The following PTBP3 variants were observed in gnomAD, a reference collection of about 807,000 sequenced individuals.
PTBP3 encodes polypyrimidine tract binding protein 3, also known as polypyrimidine tract-binding protein 3.
Under a neutral mutation model 58.7 loss-of-function variants are expected in PTBP3, and 20 were observed. The ratio of observed to expected loss-of-function variants is 0.34; its 90% confidence interval spans 0.24 to 0.50. PTBP3 has a LOEUF of 0.50. Among genes scored for constraint, PTBP3 ranks in the 20% least tolerant of loss-of-function variants. The pLI, the probability that PTBP3 is intolerant of heterozygous loss-of-function variation, is 0.98. For synonymous variants in PTBP3, 185 were observed against 219.8 expected (o/e 0.84, Z 1.40); for missense variants, 509 against 637.2 (o/e 0.80, Z 2.17).
chr9:112,366,430 C>T, the PTBP3 span, among the ~76,000 whole-genome samples: 1 of 152,134 alleles, frequency 6.6e-6, no homozygotes, highest in Admixed American at 6.6e-5. Flanking sequence ...GTCCAGTGTT[C>T]CCAAGCTGTG....
chr9:112,250,853 TAAAC>T, intron 7 of PTBP3, 72 bp downstream of exon 7: 1 of 1,331,062 alleles, frequency 7.5e-7, no homozygotes, highest in South Asian at 2.2e-5. Context: ...AAAAGGCTTA[TAAAC>T]ATACATGGCT....
the PTBP3 span, among the ~76,000 whole-genome samples, chr9:112,365,327 G>A: frequency 6.6e-6 from 1 of 152,104 alleles, no homozygotes; most frequent in Non-Finnish European, 1.5e-5. Context: ...GGACCCAGTG[G>A]GAGATAATTG....
At chr9:112,338,495 TAAAG>T (rs1337597851), upstream of PTBP3, among the ~76,000 whole-genome samples, 4 of 152,330 alleles carry the variant, frequency 2.6e-5, no homozygotes, top group Middle Eastern at 3.4e-3. Context: ...TATTTCAAAA[TAAAG>T]AAACCTTGGC....
At chr9:112,288,702 T>A (rs1316183963) in intron 2 of PTBP3, among the ~76,000 whole-genome samples, 1 of 152,202 alleles carries the variant, frequency 6.6e-6, no homozygotes, top group Non-Finnish European at 1.5e-5. Flanking sequence ...ATTAGAAAAA[T>A]TAAATCACAA....
chr9:112,352,808 T>G, the PTBP3 span, among the ~76,000 whole-genome samples: 6 of 152,220 alleles, frequency 3.9e-5, no homozygotes, highest in Non-Finnish European at 1.5e-5. Flanking sequence ...TGACTATAGT[T>G]GAAATTTCTT....
intron 5 of PTBP3, among the ~76,000 whole-genome samples, chr9:112,253,780 G>T (rs527437538): frequency 5.0e-4 from 76 of 152,240 alleles, no homozygotes; most frequent in African/African-American, 1.4e-3. Flanking sequence ...CTGCCACCAT[G>T]TGAAGAAGGT....
intron 1 of PTBP3, among the ~76,000 whole-genome samples, chr9:112,313,884 C>T (rs1225971905): frequency 6.6e-6 from 1 of 152,066 alleles, no homozygotes; most frequent in African/African-American, 2.4e-5. Flanking sequence ...CTCTCCATAC[C>T]GATGAATTCA....
At chr9:112,260,193 G>C (rs1361078933) in intron 5 of PTBP3, among the ~76,000 whole-genome samples, 1 of 152,204 alleles carries the variant, frequency 6.6e-6, no homozygotes, top group Non-Finnish European at 1.5e-5. Flanking sequence ...ACAGGCATGA[G>C]CCCCCACACC....
At chr9:112,330,339 A>C (rs1830317067) in intron 1 of PTBP3, 1 of 863,710 alleles carries the variant, frequency 1.2e-6, no homozygotes, top group Non-Finnish European at 1.8e-6. Flanking sequence ...TAAAAATTAA[A>C]GACTTTTACA....
At chr9:112,286,324 C>G (rs912493249) in intron 2 of PTBP3, among the ~76,000 whole-genome samples, 1 of 152,086 alleles carries the variant, frequency 6.6e-6, no homozygotes, top group Admixed American at 6.6e-5. Context: ...GGTTTAAAAG[C>G]CCACCATCTT....
chr9:112,335,268 GTTGT>G (rs1830550280), upstream of PTBP3, among the ~76,000 whole-genome samples: 1 of 142,258 alleles, frequency 7.0e-6, no homozygotes, highest in African/African-American at 2.4e-5. Context: ...ACTTTTTTTT[GTTGT>G]TTGTTTTTTT....
intron 1 of PTBP3, among the ~76,000 whole-genome samples, chr9:112,320,291 A>ATATATATATATATAT (rs1554805667): frequency 9.5e-5 from 7 of 73,512 alleles, no homozygotes; most frequent in African/African-American, 5.4e-4. Context: ...AAAAAAAAAA[A>ATATATATATATATAT]ATATATATAT....
chr9:112,268,036 C>G lies in PTBP3; in HGVS notation c.351+13G>C. ...TTCCCATACCTATTTTTAAAAACAT[C>G]TTTAATACTTACAGCTTGATTAGGT... On this transcript the variant is annotated intron_variant, in intron 4 of 13. Transcript: ENST00000374257. 6.3e-7 allele frequency: 1 copy of G among 1,599,144 alleles called. No individual in the cohort carries two copies. The highest frequency in any genetic ancestry group is 1.3e-5 in the African/African-American group (1 of 74,286).
intron 1 of PTBP3, among the ~76,000 whole-genome samples, chr9:112,324,085 A>T (rs1217345210): frequency 6.6e-6 from 1 of 151,990 alleles, no homozygotes; most frequent in Non-Finnish European, 1.5e-5. Context: ...ATCAGAAACC[A>T]TACAAGCAAA....
intron 4 of PTBP3, among the ~76,000 whole-genome samples, chr9:112,266,510 ATT>A (rs1836806459): frequency 6.6e-6 from 1 of 152,106 alleles, no homozygotes; most frequent in Admixed American, 6.5e-5. Flanking sequence ...TGGAATACAC[ATT>A]GTCTTCCACG....
At chr9:112,253,573 T>C (rs1354052942) in intron 5 of PTBP3, among the ~76,000 whole-genome samples, 1 of 152,188 alleles carries the variant, frequency 6.6e-6, no homozygotes, top group African/African-American at 2.4e-5. Context: ...TTAGTTTTAC[T>C]CTGTTGATAT....
chr9:112,377,675 C>A, the PTBP3 span, among the ~76,000 whole-genome samples: 1 of 152,160 alleles, frequency 6.6e-6, no homozygotes, highest in Non-Finnish European at 1.5e-5. Flanking sequence ...AGTAGTCTGT[C>A]AGGAAACTGT....
the PTBP3 span, among the ~76,000 whole-genome samples, chr9:112,354,742 T>TG: frequency 1.3e-5 from 2 of 152,208 alleles, no homozygotes; most frequent in African/African-American, 2.4e-5. Flanking sequence ...TAGCTCAATT[T>TG]GGGGGCCTGA....
intron 1 of PTBP3, among the ~76,000 whole-genome samples, chr9:112,326,747 A>G (rs1373882143): frequency 1.3e-5 from 2 of 152,262 alleles, no homozygotes; most frequent in African/African-American, 4.8e-5. Flanking sequence ...GGAATATTCA[A>G]GTTTAAAATA....
Sources: gnomAD v4.1 joint callset for allele counts (sites outside exome capture counted in the v4.1 genomes callset) on GRCh38, gnomAD v4.1.1 for gene constraint, MANE v1.5 for transcripts, NCBI Gene and HGNC (gene_info 2026-07-23, HGNC 2026-07-21) for gene names.